MARCHF1: variants seen among roughly 807,000 people sequenced by gnomAD.
MARCHF1 encodes the protein membrane associated ring-CH-type finger 1.
A neutral mutation model predicts 54.2 loss-of-function variants in MARCHF1; 40 were observed. The observed-to-expected ratio is 0.74, with a 90% CI of 0.57 to 0.96. The LOEUF (loss-of-function observed/expected upper bound fraction) is 0.96. Among genes scored for constraint, MARCHF1 ranks in the 40% least tolerant of loss-of-function variants. The probability of loss-of-function intolerance (pLI) is 0.00; values close to 1 mark genes in which losing one functional copy is unlikely to be tolerated. For missense variants in MARCHF1, 586 were observed against 656.5 expected (o/e 0.89, Z 1.17); for synonymous variants, 236 against 236.3 (o/e 1.00, Z 0.01).
At chr4:163,994,822 A>G (rs1245596104) in intron 2 of MARCHF1, among the ~76,000 whole-genome samples, 1 of 150,750 alleles carries the variant, frequency 6.6e-6, no homozygotes, top group Non-Finnish European at 1.5e-5. Flanking sequence ...TTGGATTCCT[A>G]AAGTTTGTCT....
chr4:164,081,207 C>CAAAAAAAA (rs60753810), intron 2 of MARCHF1, among the ~76,000 whole-genome samples: 1,602 of 18,388 alleles, frequency 0.087, 428 homozygotes, highest in Non-Finnish European at 0.12. Context: ...GACGCTGTCT[C>CAAAAAAAA]AAAAAAAAAA....
At chr4:164,197,296 G>T (rs755115573) in intron 1 of MARCHF1, 1 of 1,611,734 alleles carries the variant, frequency 6.2e-7, no homozygotes, top group African/African-American at 1.3e-5. Flanking sequence ...GTCGAGATAT[G>T]TGAGTTGCAG....
intron 7 of MARCHF1, among the ~76,000 whole-genome samples, chr4:163,611,878 G>A (rs148711743): frequency 1.7e-3 from 255 of 152,124 alleles, no homozygotes; most frequent in African/African-American, 5.7e-3. Flanking sequence ...TGACCTTAAA[G>A]AACTCAAGCC....
At chr4:164,046,063 C>T (rs1480759817) in intron 2 of MARCHF1, among the ~76,000 whole-genome samples, 1 of 152,144 alleles carries the variant, frequency 6.6e-6, no homozygotes, top group Non-Finnish European at 1.5e-5. Flanking sequence ...CTTCAATTCT[C>T]TAATTTCTAA....
At chr4:163,893,372 T>G (rs573997950) in intron 3 of MARCHF1, among the ~76,000 whole-genome samples, 18 of 152,156 alleles carry the variant, frequency 1.2e-4, no homozygotes, top group African/African-American at 4.3e-4. Context: ...CTCCTGACCT[T>G]GAGTGATCTG....
At chr4:163,584,554 G>T (rs1358884598) in intron 8 of MARCHF1, 1 of 152,024 alleles carries the variant, frequency 6.6e-6, no homozygotes, top group Non-Finnish European at 1.5e-5. Context: ...CAGCACTCAG[G>T]TTACCCCATT....
At chr4:164,345,626 C>T (rs1245558311) in intron 1 of MARCHF1, among the ~76,000 whole-genome samples, 1 of 148,820 alleles carries the variant, frequency 6.7e-6, no homozygotes, top group African/African-American at 2.5e-5. Flanking sequence ...AATTTAAAAG[C>T]ATAAAATTTA....
intron 5 of MARCHF1, among the ~76,000 whole-genome samples, chr4:163,667,452 GA>G (rs1461869533): frequency 6.6e-6 from 1 of 151,938 alleles, no homozygotes; most frequent in Non-Finnish European, 1.5e-5. Context: ...TTGAACATGT[GA>G]GTCATAAAAC....
rs1469942261 is a variant in MARCHF1 at position 163,525,531 on chromosome 4, C to T, written c.*3217G>A. 1.3e-5 allele frequency: 2 copies of T among 151,926 alleles called. No individual in the cohort carries two copies. Among genetic ancestry groups the T allele is most frequent in the African/African-American group, 2.4e-5 (1 of 41,364 alleles). 9.4% of individuals were successfully genotyped at this position (151,926 alleles called of 1,614,324 possible). On this transcript the variant is annotated 3_prime_UTR_variant, in exon 10 of 10. Coordinates refer to ENST00000514618, the MANE Select transcript of MARCHF1 (RefSeq NM_001394959.1). ...AAGCTTAATTGCCTTTTGGGCTTTACTTTTTAAAAAATTGGAATTTCTTTC... is the reference window on the plus strand; with the variant it reads ...AAGCTTAATTGCCTTTTGGGCTTTATTTTTTAAAAAATTGGAATTTCTTTC...
intron 3 of MARCHF1, among the ~76,000 whole-genome samples, chr4:163,961,352 G>T (rs1560837762): frequency 6.6e-6 from 1 of 151,910 alleles, no homozygotes; most frequent in Admixed American, 6.6e-5. Context: ...ATATGACATT[G>T]CTCTTTCTTA....
chr4:163,670,461 C>T (rs1316623577), intron 5 of MARCHF1, among the ~76,000 whole-genome samples: 1 of 151,706 alleles, frequency 6.6e-6, no homozygotes, highest in Non-Finnish European at 1.5e-5. Context: ...TATTTACACG[C>T]ATCTATTAAT....
At chr4:163,972,200 G>A (rs1752559752) in intron 3 of MARCHF1, among the ~76,000 whole-genome samples, 1 of 152,104 alleles carries the variant, frequency 6.6e-6, no homozygotes, top group South Asian at 2.1e-4. Flanking sequence ...GCCTATCAGG[G>A]GGTGGGGAGC....
chr4:163,838,122 A>G (rs1278320691), intron 4 of MARCHF1, among the ~76,000 whole-genome samples: 2 of 152,116 alleles, frequency 1.3e-5, no homozygotes, highest in Admixed American at 6.6e-5. Context: ...ATGAAAATTT[A>G]TAGCCTTAAA....
intron 3 of MARCHF1, among the ~76,000 whole-genome samples, chr4:163,886,181 A>T (rs1047069464): frequency 6.7e-6 from 1 of 150,314 alleles, no homozygotes; most frequent in African/African-American, 2.4e-5. Context: ...ATATCTATAG[A>T]TATGAATCTA....
intron 1 of MARCHF1, among the ~76,000 whole-genome samples, chr4:164,326,805 C>G (rs1017816662): frequency 6.6e-6 from 1 of 152,082 alleles, no homozygotes; most frequent in Non-Finnish European, 1.5e-5. Flanking sequence ...GATTCTGGAG[C>G]CAAACTAAAG....
chr4:164,124,634 T>C (rs1381957894), intron 1 of MARCHF1, among the ~76,000 whole-genome samples: 1 of 151,978 alleles, frequency 6.6e-6, no homozygotes, highest in African/African-American at 2.4e-5. Context: ...ACAACATGGT[T>C]GGAAATGGAG....
At chr4:163,623,890 G>C (rs554587144) in intron 5 of MARCHF1, among the ~76,000 whole-genome samples, 12 of 152,134 alleles carry the variant, frequency 7.9e-5, no homozygotes, top group Non-Finnish European at 1.8e-4. Context: ...AAACTGGAGA[G>C]AGAGGCAGTT....
At chr4:163,753,162 G>T (rs1202489982) in intron 4 of MARCHF1, among the ~76,000 whole-genome samples, 1 of 151,996 alleles carries the variant, frequency 6.6e-6, no homozygotes, top group Non-Finnish European at 1.5e-5. Flanking sequence ...TTTCTTTCTG[G>T]ATTAGGATAC....
intron 8 of MARCHF1, chr4:163,555,903 C>G (rs1212731461): frequency 2.2e-6 from 1 of 456,056 alleles, no homozygotes; most frequent in Admixed American, 2.3e-5. Flanking sequence ...TGTGGTCACT[C>G]TCTGTGCCTA....
Sources: gnomAD v4.1 joint callset for allele counts (sites outside exome capture counted in the v4.1 genomes callset) on GRCh38, gnomAD v4.1.1 for gene constraint, MANE v1.5 for transcripts, NCBI Gene and HGNC (gene_info 2026-07-23, HGNC 2026-07-21) for gene names.